STPG4: variants seen among roughly 807,000 people sequenced by gnomAD.
STPG4 encodes the protein sperm-tail PG-rich repeat containing 4, also known as protein STPG4.
STPG4 carries 41 observed loss-of-function variants against 31.5 expected under a neutral mutation model. The observed-to-expected ratio is 1.30, with a 90% CI of 1.01 to 1.69. The LOEUF (loss-of-function observed/expected upper bound fraction) is 1.69. STPG4 is among the 40% of genes most tolerant of loss of function. The pLI is 0.00. For synonymous variants in STPG4, 141 were observed against 103.0 expected, an observed-to-expected ratio of 1.37 and a Z score of -2.24; for missense variants, 375 against 293.4, an observed-to-expected ratio of 1.28 and a Z score of -2.03.
chr2:47,095,499 C>T (rs557196225), intron 5 of STPG4, among the ~76,000 whole-genome samples: 14 of 152,322 alleles, frequency 9.2e-5, no homozygotes, highest in South Asian at 6.2e-4. Flanking sequence ...CTGGGACTTC[C>T]AGTCTCCAGA....
At chr2:47,132,762 CTTCT>C (rs1244497580) in intron 3 of STPG4, among the ~76,000 whole-genome samples, 1 of 151,982 alleles carries the variant, frequency 6.6e-6, no homozygotes, top group Non-Finnish European at 1.5e-5. Flanking sequence ...TTGCTTTATG[CTTCT>C]TTCTCTCTCT....
intron 5 of STPG4, among the ~76,000 whole-genome samples, chr2:47,124,044 G>C (rs555731165): frequency 6.6e-6 from 1 of 151,666 alleles, no homozygotes; most frequent in Non-Finnish European, 1.5e-5. Context: ...GTGCAGTGGC[G>C]CGATCTCAGC....
chr2:47,103,527 T>C (rs1371105468), intron 5 of STPG4, among the ~76,000 whole-genome samples: 1 of 151,918 alleles, frequency 6.6e-6, no homozygotes, highest in Admixed American at 6.6e-5. Context: ...GCCTTAGTCA[T>C]GGCCCTCAGA....
intron 5 of STPG4, among the ~76,000 whole-genome samples, chr2:47,111,137 T>G (rs1686028336): frequency 6.6e-6 from 1 of 152,220 alleles, no homozygotes; most frequent in Non-Finnish European, 1.5e-5. Flanking sequence ...TTCAAAGAGT[T>G]GTATTAATGT....
At chr2:47,090,229 C>A (rs372377905) in intron 6 of STPG4, 41 bp downstream of exon 6, 13 of 1,395,622 alleles carry the variant, frequency 9.3e-6, no homozygotes, top group South Asian at 5.0e-5. Flanking sequence ...CATAACCATA[C>A]CCCTAGGGGT....
At chr2:47,096,901 C>A (rs1685680687) in intron 5 of STPG4, among the ~76,000 whole-genome samples, 1 of 152,074 alleles carries the variant, frequency 6.6e-6, no homozygotes, top group African/African-American at 2.4e-5. Context: ...GAATAGAATT[C>A]AATATGAAAT....
chr2:47,100,258 A>C (rs540511103), intron 5 of STPG4, among the ~76,000 whole-genome samples: 3 of 151,624 alleles, frequency 2.0e-5, no homozygotes, highest in Admixed American at 1.3e-4. Context: ...TACACCAATC[A>C]GCACTCTGTA....
chr2:47,136,251 T>C (rs1176328954), intron 3 of STPG4, among the ~76,000 whole-genome samples: 2 of 152,116 alleles, frequency 1.3e-5, no homozygotes, highest in African/African-American at 4.8e-5. Context: ...GTTCAAGCGA[T>C]TGTCCTGCCT....
chr2:47,099,207 G>A, intron 5 of STPG4, among the ~76,000 whole-genome samples: 1 of 145,786 alleles, frequency 6.9e-6, no homozygotes, highest in Non-Finnish European at 1.5e-5. Context: ...GGCTGTAGGT[G>A]TTCACTGCCT....
chr2:47,154,275 T>A (rs1034437653), intron 1 of STPG4, among the ~76,000 whole-genome samples: 2 of 152,246 alleles, frequency 1.3e-5, no homozygotes, highest in African/African-American at 4.8e-5. Flanking sequence ...AGCTTCTTCT[T>A]TGATACTTCT....
intron 5 of STPG4, among the ~76,000 whole-genome samples, chr2:47,096,116 C>G (rs2103731923): frequency 6.6e-6 from 1 of 152,350 alleles, no homozygotes; most frequent in African/African-American, 2.4e-5. Context: ...GGCAGCAGAA[C>G]TTAGTCCTCA....
At chr2:47,107,399 G>A (rs190965586) in intron 5 of STPG4, among the ~76,000 whole-genome samples, 3,966 of 152,268 alleles carry the variant, frequency 0.026, 197 homozygotes, top group African/African-American at 0.09. Flanking sequence ...TGCCGGCCCC[G>A]GGCAACGAGG....
chr2:47,114,324 G>T (rs1349804883), intron 5 of STPG4, among the ~76,000 whole-genome samples: 1 of 151,866 alleles, frequency 6.6e-6, no homozygotes, highest in African/African-American at 2.4e-5. Flanking sequence ...GGCCAACATG[G>T]TGAAATCCCA....
At chr2:47,100,529 T>C (rs1685772723) in intron 5 of STPG4, among the ~76,000 whole-genome samples, 1 of 148,590 alleles carries the variant, frequency 6.7e-6, no homozygotes, top group Non-Finnish European at 1.5e-5. Flanking sequence ...TGGGGCCAGA[T>C]AAGAGAAAAA....
chr2:47,151,279 G>C lies in STPG4; in HGVS notation c.378C>G (p.Ser126Arg), dbSNP rs144309920. The C allele has an allele frequency of 3.8e-5, 62 of 1,614,096 alleles. No individual in the cohort carries two copies. Among genetic ancestry groups the C allele is most frequent in the Non-Finnish European group, 4.9e-5 (58 of 1,180,048 alleles). The change falls in exon 3 of 7, where the codon AGC becomes AGG. Residue 126 changes from serine (S) to arginine (R), a missense_variant. Coordinates refer to ENST00000445927, the MANE Select transcript of STPG4 (RefSeq NM_001163561.2). ...SFKDKPRPSP[S>R]TLVDKDQSLQ... ...TTACCTGATCTTTGTCAACTAGTGT[G>C]CTGGGGCTTGGCCGTGGTTTGTCTT...
intron 5 of STPG4, among the ~76,000 whole-genome samples, chr2:47,092,967 A>C (rs1465209032): frequency 1.3e-5 from 2 of 152,052 alleles, no homozygotes; most frequent in African/African-American, 4.8e-5. Flanking sequence ...TAATGTTTGT[A>C]TTTTTAGTAG....
At chr2:47,095,467 C>T (rs1042090384) in intron 5 of STPG4, among the ~76,000 whole-genome samples, 1 of 152,214 alleles carries the variant, frequency 6.6e-6, no homozygotes, top group African/African-American at 2.4e-5. Context: ...TCAGAAGGAA[C>T]CCACACTGCC....
chr2:47,099,535 C>A (rs900839141), intron 5 of STPG4, among the ~76,000 whole-genome samples: 14 of 152,268 alleles, frequency 9.2e-5, no homozygotes, highest in African/African-American at 3.1e-4. Context: ...ATCTGGAAGG[C>A]CATCTTTCTA....
At chr2:47,101,965 G>A (rs998348398) in intron 5 of STPG4, among the ~76,000 whole-genome samples, 10 of 151,766 alleles carry the variant, frequency 6.6e-5, no homozygotes, top group African/African-American at 1.2e-4. Flanking sequence ...CACTAAATCC[G>A]ATTTTTCTCG....
Sources: allele counts gnomAD v4.1 joint callset (sites outside exome capture counted in the v4.1 genomes callset), GRCh38; gene constraint gnomAD v4.1.1; transcripts MANE v1.5; gene names NCBI Gene and HGNC (gene_info 2026-07-23, HGNC 2026-07-21).